The following LRRC56 variants were observed in gnomAD, a reference collection of about 807,000 sequenced individuals.
LRRC56 encodes the protein leucine rich repeat containing 56, also known as leucine-rich repeat-containing protein 56.
LRRC56 carries 41 observed loss-of-function variants against 47.8 expected under a neutral mutation model. That is an observed-to-expected ratio of 0.86 (90% confidence interval 0.67 to 1.11). LRRC56 has a LOEUF of 1.11. LRRC56 is among the 50% of genes most tolerant of loss of function. The pLI is 0.00. For missense variants in LRRC56, 759 were observed against 704.2 expected (o/e 1.08, Z -0.88); for synonymous variants, 387 against 311.2 (o/e 1.24, Z -2.56).
In LRRC56 at chr11:546,027, T is replaced by C. The variant is rs189427768; in HGVS notation, c.326+1247T>C. Reference sequence around the variant, plus strand: ...GTCTCACGCCTATAATCCCAGAACTTTGGGAGGCCGAGGTGGGCAGATCAC... The same window carrying C: ...GTCTCACGCCTATAATCCCAGAACTCTGGGAGGCCGAGGTGGGCAGATCAC... On this transcript the variant is annotated intron_variant, in intron 6 of 13. Transcript: ENST00000270115. 7.9e-5 allele frequency among the ~76,000 whole-genome samples: 12 copies of C among 152,284 alleles called. No homozygotes were observed. In the East Asian group the frequency reaches 2.1e-3, roughly 27 times the overall value.
the LRRC56 span, among the ~76,000 whole-genome samples, chr11:507,493 G>C: frequency 6.6e-6 from 1 of 152,300 alleles, no homozygotes; most frequent in East Asian, 1.9e-4. Flanking sequence ...GCGGGCGCGG[G>C]CGCGTGTGCG....
the LRRC56 span, among the ~76,000 whole-genome samples, chr11:510,003 T>C: frequency 6.6e-6 from 1 of 151,990 alleles, no homozygotes; most frequent in South Asian, 2.1e-4. Context: ...CCCCGGGTCC[T>C]GGCCGACTCG....
At chr11:545,948 T>C (rs974128595) in intron 6 of LRRC56, among the ~76,000 whole-genome samples, 6 of 152,210 alleles carry the variant, frequency 3.9e-5, no homozygotes, top group Non-Finnish European at 8.8e-5. Context: ...TTCTTGATTT[T>C]CCTTATTTGT....
At chr11:533,421 C>G (rs1478691219), upstream of LRRC56, 6 of 1,610,706 alleles carry the variant, frequency 3.7e-6, no homozygotes, top group Non-Finnish European at 5.1e-6. Flanking sequence ...GGGCGGGTCC[C>G]TGGCTAGCTG....
the LRRC56 span, among the ~76,000 whole-genome samples, chr11:528,241 A>G: frequency 9.2e-5 from 14 of 152,228 alleles, no homozygotes; most frequent in Admixed American, 8.5e-4. Flanking sequence ...AGAGGGCTCC[A>G]TCACTCCATC....
upstream of LRRC56, chr11:537,297 A>G (rs1365902921): frequency 1.3e-5 from 2 of 151,868 alleles, no homozygotes; most frequent in Non-Finnish European, 2.9e-5. Flanking sequence ...CGCCCACCCA[A>G]CTCGAGTTGG....
At chr11:522,321 A>C in the LRRC56 span, among the ~76,000 whole-genome samples, 3 of 152,106 alleles carry the variant, frequency 2.0e-5, no homozygotes, top group East Asian at 5.8e-4. Context: ...GCTGGAGTGC[A>C]GTGGCGCGAT....
At chr11:551,032 C>CGCCATT in intron 8 of LRRC56, 99 bp from the exon 9 acceptor site, 1 of 703,976 alleles carries the variant, frequency 1.4e-6, no homozygotes, top group Non-Finnish European at 2.3e-6. Flanking sequence ...CCTGCCCTGC[C>CGCCATT]CCACGGTGGG....
chr11:507,643 C>T, the LRRC56 span, among the ~76,000 whole-genome samples: 3 of 152,298 alleles, frequency 2.0e-5, no homozygotes, highest in South Asian at 2.1e-4. Flanking sequence ...CGGGGCGCGG[C>T]CCCCGGAGAA....
At chr11:551,598 G>T (rs1266532363) in intron 9 of LRRC56, 53 bp from the exon 10 acceptor site, 3 of 1,512,952 alleles carry the variant, frequency 2.0e-6, no homozygotes, top group Non-Finnish European at 2.7e-6. Context: ...ACAGAGTCTG[G>T]GGGGCGCTCT....
upstream of LRRC56, chr11:533,659 CG>C (rs1851260406): frequency 1.2e-6 from 2 of 1,612,600 alleles, no homozygotes; most frequent in South Asian, 2.2e-5. Flanking sequence ...GCAGGCGCAG[CG>C]GCATCCAGGA....
chr11:553,813 A>C, intron 13 of LRRC56, 150 bp from the exon 14 acceptor site: 1 of 689,058 alleles, frequency 1.5e-6, no homozygotes, highest in Non-Finnish European at 2.5e-6. Context: ...GGGAACACAG[A>C]AAGTGGGGTG....
At chr11:527,770 G>A in the LRRC56 span, among the ~76,000 whole-genome samples, 11 of 145,872 alleles carry the variant, frequency 7.5e-5, no homozygotes, top group Non-Finnish European at 1.6e-4. Flanking sequence ...CCGCGATCTC[G>A]GCTCACCGCA....
At position 540,584 on chromosome 11, in the gene LRRC56, G is replaced by A. The variant is rs11246178; in HGVS notation, c.-11-90G>A. On this transcript the variant is annotated intron_variant, in intron 3 of 13. Transcript: ENST00000270115. The stretch of plus-strand genomic sequence containing the variant: ...GCCAAGGGCTTGCTGTGACGGGGGC[G>A]GGGGGTTGAGGGCTGGGCCAGGGTC... 137,047 of 1,118,480 alleles carry A rather than the reference G, an allele frequency of 0.12. 8,798 individuals are homozygous for A. The highest frequency in any genetic ancestry group is 0.18 in the South Asian group (12,554 of 70,234). The allele number at this position is 1,118,480 out of a possible 1,614,324, so 69.3% of individuals were successfully genotyped here.
Position 541,650 on chromosome 11 carries a change from G to A in LRRC56, c.265+26G>A. 1.5e-6 allele frequency: 2 copies of A among 1,310,830 alleles called. No homozygotes were observed. 81.2% of individuals were successfully genotyped at this position (1,310,830 alleles called of 1,614,324 possible). A position where few individuals can be genotyped will look rare whatever the true frequency, so the allele number is the denominator to read the frequency against. On this transcript the variant is annotated intron_variant, in intron 5 of 13. Transcript: ENST00000270115. This position sits in a 1 kb window ranked among gnomAD's most constrained non-coding sequence, Gnocchi z 4.1. ...GTGAGCCTCTTCCCACCCCGCCATG[G>A]CCACGGCCACGGCCACGCCTCCCTG... is the stretch of plus-strand genomic sequence containing the variant.
the LRRC56 span, among the ~76,000 whole-genome samples, chr11:510,880 G>A: frequency 2.0e-5 from 3 of 152,132 alleles, no homozygotes; most frequent in Admixed American, 6.5e-5. Context: ...CTGCACTCCA[G>A]CCTGGGTGAC....
chr11:554,031 G>A lies in LRRC56; in HGVS notation c.1384G>A (p.Gly462Ser). The A allele has an allele frequency of 6.2e-7, 1 of 1,612,220 alleles. No individual in the cohort carries two copies. Among genetic ancestry groups the A allele is most frequent in the Non-Finnish European group, 8.5e-7 (1 of 1,179,754 alleles). ...PPKHPRPRDS[G>S]SSSPRWSTDL... ...CAAGCACCCAAGGCCACGAGATTCT[G>A]GCAGCAGCTCCCCGCGGTGGTCGAC... is the stretch of plus-strand genomic sequence containing the variant. The change falls in exon 14 of 14, where the codon GGC becomes AGC. Residue 462 changes from glycine to serine, a missense_variant. Physicochemically the swap from Gly to Ser is moderately conservative, Grantham distance 56. Transcript: ENST00000270115.
intron 5 of LRRC56, among the ~76,000 whole-genome samples, chr11:544,081 G>T (rs896084382): frequency 6.6e-6 from 1 of 152,238 alleles, no homozygotes; most frequent in African/African-American, 2.4e-5. Flanking sequence ...CAGGGATTCT[G>T]TCTGCCTCAC....
chr11:508,955 GA>G, the LRRC56 span, among the ~76,000 whole-genome samples: 2 of 152,196 alleles, frequency 1.3e-5, no homozygotes, highest in African/African-American at 4.8e-5. Context: ...TGAGGCAGGA[GA>G]ACCACTTGAA....
Sources: gnomAD v4.1 joint callset for allele counts (sites outside exome capture counted in the v4.1 genomes callset) on GRCh38, gnomAD v4.1.1 for gene constraint, Gnocchi (gnomAD v3.1) non-coding constraint, MANE v1.5 for transcripts, NCBI Gene and HGNC (gene_info 2026-07-23, HGNC 2026-07-21) for gene names.